The following EIF4G3 variants were observed in gnomAD, a reference collection of about 807,000 sequenced individuals.
EIF4G3 encodes the protein eukaryotic translation initiation factor 4 gamma 3.
Under a neutral mutation model 186.4 loss-of-function variants are expected in EIF4G3, and 34 were observed. The observed-to-expected ratio is 0.18, with a 90% CI of 0.14 to 0.24. The LOEUF is 0.24. Among genes scored for constraint, EIF4G3 ranks in the 10% least tolerant of loss-of-function variants. The pLI, the probability that EIF4G3 is intolerant of heterozygous loss-of-function variation, is 1.00. For missense variants in EIF4G3, 1,536 were observed against 1,948.5 expected, an observed-to-expected ratio of 0.79 and a Z score of 3.99; for synonymous variants, 673 against 679.5, an observed-to-expected ratio of 0.99 and a Z score of 0.15.
rs767139681 is a variant in EIF4G3 at position 20,810,759 on chromosome 1, C to G, written c.4723G>C (p.Val1575Leu). The G allele has an allele frequency of 6.2e-7, 1 of 1,613,838 alleles. No homozygotes were observed. The highest frequency in any genetic ancestry group is 1.1e-5 in the South Asian group (1 of 91,084). ...QALYALQASI[V>L]KLDQPANLLR... ...TTACTGGCAGGTTGATCAAGTTTTA[C>G]TATCGATGCTTGTAGTGCATAAAGT... is the stretch of plus-strand genomic sequence containing the variant. Residue 1575 changes from valine to leucine, a missense_variant, in exon 36 of 37, where the codon GTA becomes CTA. Around this residue, in one of 11 missense-constraint regions of EIF4G3, gnomAD observed 45 missense variants for 99.1 expected, o/e 0.45. Transcript: ENST00000602326. This position sits in a 1 kb window ranked among gnomAD's most constrained non-coding sequence, Gnocchi z 4.1.
intron 2 of EIF4G3, among the ~76,000 whole-genome samples, chr1:21,092,007 T>C (rs919766372): frequency 3.3e-5 from 5 of 152,216 alleles, no homozygotes; most frequent in African/African-American, 1.2e-4. Flanking sequence ...CTGATTGCCC[T>C]GGCCAACTTC....
intron 14 of EIF4G3, among the ~76,000 whole-genome samples, chr1:20,935,808 T>C (rs2095499500): frequency 6.6e-6 from 1 of 152,220 alleles, no homozygotes; most frequent in South Asian, 2.1e-4. Flanking sequence ...AGACTAGGTT[T>C]TCCTGTAGAG....
At chr1:20,948,251 T>C (rs1319400309) in intron 13 of EIF4G3, among the ~76,000 whole-genome samples, 2 of 152,248 alleles carry the variant, frequency 1.3e-5, no homozygotes, top group Non-Finnish European at 2.9e-5. Flanking sequence ...TCAAAACGAC[T>C]TTATCATTGA....
intron 30 of EIF4G3, among the ~76,000 whole-genome samples, chr1:20,837,359 C>A (rs1038487506): frequency 1.3e-5 from 2 of 152,182 alleles, no homozygotes; most frequent in African/African-American, 4.8e-5. Flanking sequence ...GCATGCGCCA[C>A]CATGCCCAGC....
In EIF4G3 at chr1:20,975,268, A is replaced by G. The variant is rs148529787; in HGVS notation, c.494-2169T>C. On this transcript the variant is annotated intron_variant, in intron 10 of 36. Transcript: ENST00000602326. ...GCTCAGAAATTAACTCAGAAAACAAATCCCCAAAATTGGTTTCAAATGCTG... is the reference window on the plus strand; with the variant it reads ...GCTCAGAAATTAACTCAGAAAACAAGTCCCCAAAATTGGTTTCAAATGCTG... Among the ~76,000 whole-genome samples, 24 of 152,242 alleles carry G rather than the reference A, an allele frequency of 1.6e-4. No individual in the cohort carries two copies. In the East Asian group the frequency reaches 4.4e-3, roughly 28 times the overall value.
intron 2 of EIF4G3, among the ~76,000 whole-genome samples, chr1:21,132,577 C>T (rs2097172204): frequency 6.6e-6 from 1 of 151,650 alleles, no homozygotes; most frequent in Non-Finnish European, 1.5e-5. Flanking sequence ...ATAGCTAGGA[C>T]CACAGGCATA....
chr1:21,127,890 T>C (rs959299971), intron 2 of EIF4G3, among the ~76,000 whole-genome samples: 2 of 152,126 alleles, frequency 1.3e-5, no homozygotes, highest in East Asian at 3.9e-4. Flanking sequence ...CTAGTTAAAA[T>C]CCACTCATGG....
At chr1:21,097,962 C>T (rs894786768) in intron 2 of EIF4G3, among the ~76,000 whole-genome samples, 1 of 151,906 alleles carries the variant, frequency 6.6e-6, no homozygotes, top group African/African-American at 2.4e-5. Context: ...TTGATATGAC[C>T]AGGCACAGTG....
At chr1:21,091,357 T>C (rs2096192335) in intron 2 of EIF4G3, among the ~76,000 whole-genome samples, 1 of 151,952 alleles carries the variant, frequency 6.6e-6, no homozygotes, top group South Asian at 2.1e-4. Flanking sequence ...GATGGGGCTT[T>C]GCAATGTTGC....
intron 33 of EIF4G3, among the ~76,000 whole-genome samples, chr1:20,822,614 G>T: frequency 6.8e-6 from 1 of 146,986 alleles, no homozygotes. Context: ...TGGTGATAGG[G>T]TCTTGCTCTG....
intron 3 of EIF4G3, among the ~76,000 whole-genome samples, chr1:21,052,557 TCCTCTC>T (rs377421968): frequency 0.011 from 1,608 of 151,468 alleles, 16 homozygotes; most frequent in Non-Finnish European, 0.012. Context: ...TCCCTCTCCC[TCCTCTC>T]CCTCTCCCTC....
chr1:20,979,925 T>C (rs1247760588), intron 10 of EIF4G3, among the ~76,000 whole-genome samples: 1 of 152,156 alleles, frequency 6.6e-6, no homozygotes, highest in African/African-American at 2.4e-5. Flanking sequence ...TAATTTTTTG[T>C]ATTTTTAGTA....
chr1:20,980,387 C>A lies in EIF4G3; in HGVS notation c.440G>T (p.Gly147Val). 1 of 1,547,610 alleles carries A rather than the reference C, an allele frequency of 6.5e-7. No homozygotes were observed. The highest frequency in any genetic ancestry group is 8.6e-7 in the Non-Finnish European group (1 of 1,158,330). ...PPQQYPVQPP[G>V]PGPFYPGPGP... ...TGGTCCAGGATAAAAAGGACCTGGC[C>A]CCGGTGGTTGAACTGGATATTGTTG... Residue 147 changes from glycine (G) to valine (V), a missense_variant, in exon 10 of 37, where the codon GGG becomes GTG. Gly to Val is a moderately radical substitution (Grantham distance 109). Around this residue, in one of 11 missense-constraint regions of EIF4G3, gnomAD observed 194 missense variants for 212.8 expected, o/e 0.91. Coordinates refer to ENST00000602326, the MANE Select transcript of EIF4G3 (RefSeq NM_001391906.1).
chr1:20,949,949 A>G, intron 13 of EIF4G3, 54 bp downstream of exon 13: 2 of 1,412,734 alleles, frequency 1.4e-6, no homozygotes, highest in Non-Finnish European at 1.0e-6. Context: ...ACGGCAATGT[A>G]ATTAATAAAA....
At chr1:20,913,247 G>A (rs749247641) in intron 14 of EIF4G3, among the ~76,000 whole-genome samples, 1 of 152,206 alleles carries the variant, frequency 6.6e-6, no homozygotes, top group Admixed American at 6.6e-5. Flanking sequence ...ATAATAAAAT[G>A]AGGAAACTAG....
At chr1:20,954,669 T>C (rs1460804982) in intron 12 of EIF4G3, among the ~76,000 whole-genome samples, 1 of 152,072 alleles carries the variant, frequency 6.6e-6, no homozygotes, top group Non-Finnish European at 1.5e-5. Context: ...TGTGTCAATA[T>C]GTGTGTATTT....
chr1:20,998,605 C>A (rs1391924219), intron 6 of EIF4G3, among the ~76,000 whole-genome samples: 2 of 152,098 alleles, frequency 1.3e-5, no homozygotes, highest in South Asian at 2.1e-4. Context: ...TAGGATCAAA[C>A]AATTCACCAG....
At chr1:20,932,621 G>T (rs975396777) in intron 14 of EIF4G3, among the ~76,000 whole-genome samples, 1 of 152,010 alleles carries the variant, frequency 6.6e-6, no homozygotes, top group South Asian at 2.1e-4. Flanking sequence ...CCAAGAAGAG[G>T]GAGGGAGAGA....
At position 20,973,059 on chromosome 1, in the gene EIF4G3, T is replaced by A; in HGVS notation, c.534A>T (p.Ala178=). ...GTTGCTGCGTAGGCACTATGATAGG[T>A]GCTGACTGATACACCGGCTGACTTG... ...FYPSQPVYQS[A]PIIVPTQQQP... The change falls in exon 11 of 37, where the codon GCA becomes GCT. Residue 178 remains alanine, a synonymous_variant. Coordinates refer to ENST00000602326, the MANE Select transcript of EIF4G3 (RefSeq NM_001391906.1). 2 of 1,611,380 alleles carry A rather than the reference T, an allele frequency of 1.2e-6. No homozygotes were observed. Among genetic ancestry groups the A allele is most frequent in the Non-Finnish European group, 1.7e-6 (2 of 1,179,366 alleles).
Sources: gnomAD v4.1 joint callset for allele counts (sites outside exome capture counted in the v4.1 genomes callset) on GRCh38, gnomAD v4.1.1 for gene constraint, gnomAD v4.1.1 regional missense constraint, Gnocchi (gnomAD v3.1) non-coding constraint, MANE v1.5 for transcripts, NCBI Gene and HGNC (gene_info 2026-07-23, HGNC 2026-07-21) for gene names.